The following NUP205 variants were observed in gnomAD, a reference collection of about 807,000 sequenced individuals.
NUP205 encodes the protein nucleoporin 205.
NUP205 carries 76 observed loss-of-function variants against 253.8 expected under a neutral mutation model. That is an observed-to-expected ratio of 0.30 (90% CI 0.25 to 0.36). The LOEUF (loss-of-function observed/expected upper bound fraction) is 0.36. Ranked by LOEUF, NUP205 falls within the 10% of genes least tolerant of loss-of-function variation. The pLI is 1.00. For synonymous variants in NUP205, 832 were observed against 850.1 expected (o/e 0.98, Z 0.37); for missense variants, 2,162 against 2,425.5 (o/e 0.89, Z 2.28).
chr7:135,600,806 A>G, intron 15 of NUP205, 64 bp from the exon 16 acceptor site: 1 of 863,280 alleles, frequency 1.2e-6, no homozygotes, highest in Admixed American at 2.2e-5. Flanking sequence ...AAGAGTGAAA[A>G]GCCTTGCAAG....
At chr7:135,629,056 C>T (rs1794651929) in intron 34 of NUP205, among the ~76,000 whole-genome samples, 1 of 152,198 alleles carries the variant, frequency 6.6e-6, no homozygotes, top group Non-Finnish European at 1.5e-5. Context: ...GAAGCAGAAT[C>T]ACCTGAGGAG....
intron 31 of NUP205, among the ~76,000 whole-genome samples, chr7:135,624,067 C>T (rs1421368686): frequency 1.3e-5 from 2 of 152,128 alleles, no homozygotes; most frequent in African/African-American, 4.8e-5. Context: ...CAGGCATGAG[C>T]CACCACACCC....
chr7:135,589,050 G>A (rs1806549739), intron 10 of NUP205, among the ~76,000 whole-genome samples: 1 of 150,710 alleles, frequency 6.6e-6, no homozygotes, highest in African/African-American at 2.4e-5. Context: ...TCATGAGCCT[G>A]TAGTCCTAGC....
At position 135,606,200 on chromosome 7, in the gene NUP205, C is replaced by T. The variant is rs1180200291; in HGVS notation, c.2879C>T (p.Ala960Val). The T allele has an allele frequency of 6.2e-7, 1 of 1,612,230 alleles. No individual in the cohort carries two copies. The highest frequency in any genetic ancestry group is 8.5e-7 in the Non-Finnish European group (1 of 1,178,522). Reference sequence around the variant, plus strand: ...GTGGAGTGTTTGGATTGTGAAGATGCAGAAGAATTTGTACGTCTGGAAGAG... The same window carrying T: ...GTGGAGTGTTTGGATTGTGAAGATGTAGAAGAATTTGTACGTCTGGAAGAG... ...GFVECLDCED[A>V]EEFVRLEEGS... Residue 960 changes from alanine (A) to valine (V), a missense_variant, in exon 20 of 43, where the codon GCA (alanine) becomes GTA (valine). Transcript: ENST00000285968.
chr7:135,567,216 A>G (rs1417958375), intron 1 of NUP205, among the ~76,000 whole-genome samples: 1 of 127,056 alleles, frequency 7.9e-6, no homozygotes, highest in Non-Finnish European at 1.6e-5. Context: ...TTTGATAGTG[A>G]ATGAAAGTAT....
chr7:135,610,294 C>T (rs1460132230), intron 22 of NUP205, among the ~76,000 whole-genome samples: 2 of 152,184 alleles, frequency 1.3e-5, no homozygotes, highest in Non-Finnish European at 2.9e-5. Flanking sequence ...GATCTCAGCT[C>T]ACCGCAACCT....
At chr7:135,646,975 T>C (rs533075453) in intron 42 of NUP205, among the ~76,000 whole-genome samples, 1 of 152,202 alleles carries the variant, frequency 6.6e-6, no homozygotes, top group Non-Finnish European at 1.5e-5. Flanking sequence ...TCAGCACTTA[T>C]TTTTCAGGAA....
At chr7:135,562,722 A>G (rs902715764) in intron 1 of NUP205, among the ~76,000 whole-genome samples, 6 of 151,210 alleles carry the variant, frequency 4.0e-5, no homozygotes, top group African/African-American at 1.5e-4. Flanking sequence ...TAATTTTTGT[A>G]TTTTTAGTAG....
In NUP205 at chr7:135,576,350, A is replaced by G. The variant is rs779173680; in HGVS notation, c.424A>G (p.Ile142Val). ...TCTGTACTGGGATGGAAAGCGATGC[A>G]TTGCGAATTCCTTGAAAGCCTTGAT... is the stretch of plus-strand genomic sequence containing the variant. ...VLLYWDGKRCIANSLKALIQS... is the reference protein window; with the variant it reads ...VLLYWDGKRCVANSLKALIQS... The change falls in exon 4 of 43, where the codon ATT becomes GTT. Residue 142 changes from isoleucine to valine, a missense_variant. Ile to Val is a conservative substitution (Grantham distance 29). Around this residue, in one of 5 missense-constraint regions of NUP205, gnomAD observed 892 missense variants for 957.1 expected, o/e 0.93. Transcript: ENST00000285968. 2.0e-5 allele frequency: 32 copies of G among 1,613,844 alleles called. No individual in the cohort carries two copies. Among genetic ancestry groups the G allele is most frequent in the African/African-American group, 2.7e-5 (2 of 74,928 alleles).
chr7:135,587,936 C>T lies in NUP205; in HGVS notation c.1417C>T (p.Pro473Ser), dbSNP rs1584653846. 6.2e-7 allele frequency: 1 copy of T among 1,614,042 alleles called. No individual in the cohort carries two copies. The highest frequency in any genetic ancestry group is 2.2e-5 in the East Asian group (1 of 44,886). ...GTGTCCCACAGAGCCTCTTCAGACT[C>T]CGACTATCATGGGCTCTTATCTAGG... ...YWCPTEPLQT[P>S]TIMGSYLGVA... The change falls in exon 10 of 43, where the codon CCG becomes TCG. Residue 473 changes from proline (P) to serine (S), a missense_variant. Around this residue, in one of 5 missense-constraint regions of NUP205, gnomAD observed 892 missense variants for 957.1 expected, o/e 0.93. Coordinates refer to ENST00000285968, the MANE Select transcript of NUP205 (RefSeq NM_015135.3).
chr7:135,634,257 A>G (rs939853251), intron 35 of NUP205, among the ~76,000 whole-genome samples: 1 of 152,074 alleles, frequency 6.6e-6, no homozygotes, highest in Non-Finnish European at 1.5e-5. Context: ...AGTATTTTGG[A>G]GTTGAGAGTG....
At chr7:135,571,409 C>CT (rs1805995341) in intron 2 of NUP205, among the ~76,000 whole-genome samples, 162 bp downstream of exon 2, 2 of 143,014 alleles carry the variant, frequency 1.4e-5, no homozygotes, top group South Asian at 2.2e-4. Flanking sequence ...CCCCTAAACG[C>CT]TTAAAAAAAA....
rs1489695109 is a variant in NUP205 at position 135,607,599 on chromosome 7, G to A, written c.3195+228G>A. Among the ~76,000 whole-genome samples the A allele has an allele frequency of 3.3e-5, 5 of 152,254 alleles. No individual in the cohort carries two copies. In the South Asian group the frequency reaches 8.3e-4, roughly 25 times the overall value. On this transcript the variant is annotated intron_variant, in intron 22 of 42. Coordinates refer to ENST00000285968, the MANE Select transcript of NUP205 (RefSeq NM_015135.3). Reference sequence around the variant, plus strand: ...GAAAAATAGAGGAAATTAGATTTTTGTGATGGATTTTTACCAGTAGTGTAG... The same window carrying A: ...GAAAAATAGAGGAAATTAGATTTTTATGATGGATTTTTACCAGTAGTGTAG...
intron 30 of NUP205, 70 bp from the exon 31 acceptor site, chr7:135,622,707 G>C (rs1008248130): frequency 1.5e-6 from 2 of 1,337,526 alleles, no homozygotes; most frequent in African/African-American, 2.9e-5. Flanking sequence ...TACCTAGCAT[G>C]TGAGGTATAA....
chr7:135,564,607 C>T (rs1805695302), intron 1 of NUP205, among the ~76,000 whole-genome samples: 1 of 151,686 alleles, frequency 6.6e-6, no homozygotes, highest in African/African-American at 2.4e-5. Flanking sequence ...TCTTGAACTC[C>T]TGCACTTAAG....
rs1280840625 is a variant in NUP205 at position 135,606,745 on chromosome 7, A to G, written c.2906-6A>G. 2 of 1,611,496 alleles carry G rather than the reference A, an allele frequency of 1.2e-6. No homozygotes were observed. Among genetic ancestry groups the G allele is most frequent in the African/African-American group, 1.3e-5 (1 of 74,876 alleles). ...TGTAATTTTGTTTTGTGATTTCTGC[A>G]TTAAGGATCAGAACTTGAAAAGAAA... On this transcript the variant is annotated splice_region_variant and splice_polypyrimidine_tract_variant and intron_variant, in intron 20 of 42. Coordinates refer to ENST00000285968, the MANE Select transcript of NUP205 (RefSeq NM_015135.3).
intron 38 of NUP205, among the ~76,000 whole-genome samples, chr7:135,641,676 G>A (rs1794917233): frequency 8.4e-6 from 1 of 118,944 alleles, no homozygotes; most frequent in Non-Finnish European, 2.0e-5. Flanking sequence ...GGAGGCTGAG[G>A]TGGGAGGATC....
intron 8 of NUP205, among the ~76,000 whole-genome samples, chr7:135,585,776 A>G (rs935678233): frequency 2.0e-5 from 3 of 152,110 alleles, no homozygotes; most frequent in Admixed American, 1.3e-4. Flanking sequence ...GGTCTTGAAC[A>G]GGTGATCTGC....
At chr7:135,609,333 C>T (rs1287014777) in intron 22 of NUP205, among the ~76,000 whole-genome samples, 1 of 151,898 alleles carries the variant, frequency 6.6e-6, no homozygotes, top group Non-Finnish European at 1.5e-5. Flanking sequence ...AAAAAATTAG[C>T]CGGGCATGGT....
Sources: allele counts gnomAD v4.1 joint callset (sites outside exome capture counted in the v4.1 genomes callset), GRCh38; gene constraint gnomAD v4.1.1; regional missense constraint gnomAD v4.1.1; transcripts MANE v1.5; gene names NCBI Gene and HGNC (gene_info 2026-07-23, HGNC 2026-07-21).